The following TBC1D2B variants were observed in gnomAD, a reference collection of about 807,000 sequenced individuals.
TBC1D2B encodes the protein TBC1 domain family member 2B, also known as TBC1 domain family, member 2B.
In TBC1D2B, 64 loss-of-function variants were observed where a neutral mutation model predicts 100.8. The ratio of observed to expected loss-of-function variants is 0.64; its 90% confidence interval spans 0.52 to 0.78. TBC1D2B has a LOEUF of 0.78. TBC1D2B is among the 30% of genes least tolerant of loss of function. The pLI, the probability that TBC1D2B is intolerant of heterozygous loss-of-function variation, is 0.00. For synonymous variants in TBC1D2B, 480 were observed against 479.7 expected (o/e 1.00, Z -0.01); for missense variants, 1,052 against 1,218.4 (o/e 0.86, Z 2.03).
intron 12 of TBC1D2B, among the ~76,000 whole-genome samples, chr15:78,000,946 A>G (rs1176656846): frequency 6.6e-6 from 1 of 152,014 alleles, no homozygotes; most frequent in African/African-American, 2.4e-5. Flanking sequence ...TCCTGCCCCA[A>G]TCTGACCTGT....
Position 78,012,999 on chromosome 15 carries a change from CTTCTG to C in TBC1D2B, c.2089_2093del (p.Gln697GlyfsTer13). 1 of 1,602,684 alleles carries C rather than the reference CTTCTG, an allele frequency of 6.2e-7. No homozygotes were observed. Among genetic ancestry groups the C allele is most frequent in the Non-Finnish European group, 8.5e-7 (1 of 1,171,160 alleles). On this transcript the variant is annotated frameshift_variant, in exon 9 of 13. Transcript: ENST00000300584. LOFTEE classifies it high-confidence loss of function. ...AGGCTGGGTTCTGTTTCTCCAGCGC[CTTCTG>C]CAGCAAGGTCTGGAAGTGGCCAGGC...
Position 78,077,474 on chromosome 15 carries a change from A to G in TBC1D2B, c.179T>C (p.Phe60Ser). ...GTAAAGGTAGCAGCGGCGCGCGTCG[A>G]ACACGAACCAGCGGCTGCGGTAGCC... ...LRGYRSRWFV[F>S]DARRCYLYYF... Residue 60 changes from phenylalanine (F) to serine (S), a missense_variant, in exon 1 of 13, where the codon TTC becomes TCC. By Grantham distance (155) the Phe-to-Ser change is radical (BLOSUM62 -2). This residue lies in a region of TBC1D2B where 627 missense variants were observed against 646.1 expected (regional missense o/e 0.97). Coordinates refer to ENST00000300584, the MANE Select transcript of TBC1D2B (RefSeq NM_144572.2). 1 of 1,535,386 alleles carries G rather than the reference A, an allele frequency of 6.5e-7. No homozygotes were observed. Among genetic ancestry groups the G allele is most frequent in the Non-Finnish European group, 8.8e-7 (1 of 1,140,944 alleles).
In TBC1D2B at chr15:78,024,389, C is replaced by T; in HGVS notation, c.1237G>A (p.Glu413Lys). The change falls in exon 6 of 13, where the codon GAG (glutamate) becomes AAG (lysine). Residue 413 changes from glutamate to lysine, a missense_variant. This residue lies in a region of TBC1D2B where 627 missense variants were observed against 646.1 expected (regional missense o/e 0.97). Coordinates refer to ENST00000300584, the MANE Select transcript of TBC1D2B (RefSeq NM_144572.2). ...DQILGLTSQL[E>K]RFSLEKESLQ... ...CTCTCCTTCTCCAAGCTGAACCTCT[C>T]CAGCTGGCTGGTAAGGCCCAGAATC... The T allele has an allele frequency of 6.2e-7, 1 of 1,614,076 alleles. No homozygotes were observed. Among genetic ancestry groups the T allele is most frequent in the Non-Finnish European group, 8.5e-7 (1 of 1,179,908 alleles).
chr15:78,000,996 G>C (rs1256108032), intron 12 of TBC1D2B, among the ~76,000 whole-genome samples: 1 of 152,228 alleles, frequency 6.6e-6, no homozygotes, highest in Non-Finnish European at 1.5e-5. Flanking sequence ...CCAGCACTCA[G>C]GATGAAGCCT....
In TBC1D2B at chr15:78,003,692, G is replaced by A. The variant is rs539639308; in HGVS notation, c.2389-202C>T. 8.1e-5 allele frequency: 42 copies of A among 520,650 alleles called. 3 individuals carry two copies. In the South Asian group the frequency reaches 8.9e-4, roughly 11 times the overall value. The allele number at this position is 520,650 out of a possible 1,614,324, so 32.3% of individuals were successfully genotyped here. A position where few individuals can be genotyped will look rare whatever the true frequency, so the allele number is the denominator to read the frequency against. ...ACCTCGTGCACTGCAGGTACACACCGAGTGTCCGCTGAACAGCATGCTTTC... is the reference window on the plus strand; with the variant it reads ...ACCTCGTGCACTGCAGGTACACACCAAGTGTCCGCTGAACAGCATGCTTTC... On this transcript the variant is annotated intron_variant, in intron 10 of 12. Transcript: ENST00000300584.
rs367708023 is a variant in TBC1D2B at position 78,071,101 on chromosome 15, C to T, written c.360+6192G>A. On this transcript the variant is annotated intron_variant, in intron 1 of 12. Coordinates refer to ENST00000300584, the MANE Select transcript of TBC1D2B (RefSeq NM_144572.2). ...CTTCCCAAAGTGCTGGGATTACAGG[C>T]GTGAGCCACCACATCCAGCCACACC... Among the ~76,000 whole-genome samples the T allele has an allele frequency of 8.6e-5, 13 of 152,006 alleles. No homozygotes were observed. In the South Asian group the frequency reaches 2.3e-3, roughly 27 times the overall value.
At chr15:78,057,925 G>C (rs891365407) in intron 1 of TBC1D2B, among the ~76,000 whole-genome samples, 1 of 152,194 alleles carries the variant, frequency 6.6e-6, no homozygotes, top group Admixed American at 6.5e-5. Context: ...GGACTAAATG[G>C]AGATTCGGCT....
chr15:78,035,320 G>A (rs556498423), intron 3 of TBC1D2B, among the ~76,000 whole-genome samples: 3 of 152,336 alleles, frequency 2.0e-5, no homozygotes, highest in African/African-American at 4.8e-5. Flanking sequence ...TTCGACATTC[G>A]TTTGGATTCT....
chr15:78,001,953 C>T (rs2071926629), intron 11 of TBC1D2B: 3 of 436,586 alleles, frequency 6.9e-6, no homozygotes, highest in African/African-American at 2.0e-5. Context: ...TGGTTTTCAA[C>T]AACACATCAG....
At chr15:78,025,816 G>A (rs1232548998) in intron 4 of TBC1D2B, among the ~76,000 whole-genome samples, 15 of 151,994 alleles carry the variant, frequency 9.9e-5, no homozygotes, top group African/African-American at 3.4e-4. Context: ...GTGAGCCACC[G>A]TGCCCGGCCA....
chr15:78,012,887 G>T lies in TBC1D2B; in HGVS notation c.2206C>A (p.Arg736Ser), dbSNP rs771877432. The change falls in exon 9 of 13, where the codon CGC becomes AGC. Residue 736 changes from arginine (R) to serine (S), a missense_variant. By Grantham distance (110) the Arg-to-Ser change is moderately radical (BLOSUM62 -1). Transcript: ENST00000300584. The stretch of plus-strand genomic sequence containing the variant: ...CAGGAGAAGGCGAGGAGGACATTGC[G>T]TAACTTCTGTATGCCTTCTGAGGTG... Reference protein sequence around the residue: ...CPTSEGIQKLRNVLLAFSWRN... With the variant: ...CPTSEGIQKLSNVLLAFSWRN... 3.7e-5 allele frequency: 56 copies of T among 1,523,004 alleles called. No homozygotes were observed. Among genetic ancestry groups the T allele is most frequent in the Non-Finnish European group, 4.8e-5 (55 of 1,135,984 alleles). 94.3% of individuals were successfully genotyped at this position (1,523,004 alleles called of 1,614,324 possible).
At chr15:78,003,852 T>C (rs1343294800) in intron 10 of TBC1D2B, among the ~76,000 whole-genome samples, 4 of 152,156 alleles carry the variant, frequency 2.6e-5, no homozygotes, top group African/African-American at 9.7e-5. Flanking sequence ...CGTGAGATGT[T>C]GACACAAAGG....
chr15:78,066,026 C>T (rs780220535), intron 1 of TBC1D2B: 5 of 470,890 alleles, frequency 1.1e-5, no homozygotes, highest in South Asian at 6.2e-5. Flanking sequence ...AAGTACTTAC[C>T]AGCTCTTTGG....
At chr15:78,001,270 C>G (rs1297012142) in intron 12 of TBC1D2B, among the ~76,000 whole-genome samples, 1 of 152,274 alleles carries the variant, frequency 6.6e-6, no homozygotes, top group Non-Finnish European at 1.5e-5. Flanking sequence ...CCAGCAAGGT[C>G]TTCCAGGACA....
In TBC1D2B at chr15:78,013,280, C is replaced by T. The variant is rs772924996; in HGVS notation, c.1813G>A (p.Asp605Asn). The change falls in exon 9 of 13, where the codon GAT (aspartate) becomes AAT (asparagine). Residue 605 changes from aspartate to asparagine, a missense_variant. By Grantham distance (23) the Asp-to-Asn change is conservative (BLOSUM62 1). This residue lies in a region of TBC1D2B where 373 missense variants were observed against 464.9 expected (regional missense o/e 0.80). Coordinates refer to ENST00000300584, the MANE Select transcript of TBC1D2B (RefSeq NM_144572.2). ...DIYGFRTVPE[D>N]DEEEKLVAKV... ...GCAACCAATTTCTCTTCCTCATCAT[C>T]CTCAGGTACAGTCCTGAACCCATAA... 23 of 1,613,764 alleles carry T rather than the reference C, an allele frequency of 1.4e-5. No individual in the cohort carries two copies. The highest frequency in any genetic ancestry group is 3.3e-5 in the Admixed American group (2 of 59,976).
chr15:78,054,973 C>T (rs1341032237), intron 1 of TBC1D2B, among the ~76,000 whole-genome samples: 2 of 152,040 alleles, frequency 1.3e-5, no homozygotes, highest in African/African-American at 2.4e-5. Flanking sequence ...TACATCTATA[C>T]AATAATATAC....
At chr15:78,066,368 T>C (rs1000073014) in intron 1 of TBC1D2B, among the ~76,000 whole-genome samples, 5 of 152,188 alleles carry the variant, frequency 3.3e-5, no homozygotes, top group African/African-American at 7.2e-5. Context: ...GCCACCATCA[T>C]ACAGGGTCAG....
At chr15:78,003,720 C>A in intron 10 of TBC1D2B, 2 of 482,126 alleles carry the variant, frequency 4.1e-6, no homozygotes, top group Non-Finnish European at 7.5e-6. Flanking sequence ...ATGCTTTCCA[C>A]AGGGCATGGG....
In TBC1D2B at chr15:78,024,221, C is replaced by G. The variant is rs766290976; in HGVS notation, c.1405G>C (p.Val469Leu). Residue 469 changes from valine (V) to leucine (L), a missense_variant, in exon 6 of 13, where the codon GTG becomes CTG. Val to Leu is a conservative substitution (Grantham distance 32, BLOSUM62 1). Coordinates refer to ENST00000300584, the MANE Select transcript of TBC1D2B (RefSeq NM_144572.2). ...ACAACCGAAGGGGAGCTGGGCGCCACGGTGGGAGGAGGCCCGTTGCCCTCG... is the reference window on the plus strand; with the variant it reads ...ACAACCGAAGGGGAGCTGGGCGCCAGGGTGGGAGGAGGCCCGTTGCCCTCG... ...EGEGNGPPPT[V>L]APSSPSVVPV... 1 of 1,613,780 alleles carries G rather than the reference C, an allele frequency of 6.2e-7. No individual in the cohort carries two copies. The highest frequency in any genetic ancestry group is 1.3e-5 in the African/African-American group (1 of 74,946).
Sources: allele counts gnomAD v4.1 joint callset (sites outside exome capture counted in the v4.1 genomes callset), GRCh38; gene constraint gnomAD v4.1.1; regional missense constraint gnomAD v4.1.1; transcripts MANE v1.5; gene names NCBI Gene and HGNC (gene_info 2026-07-23, HGNC 2026-07-21).